The following VPS13B variants were observed in gnomAD, a reference collection of about 807,000 sequenced individuals.
VPS13B encodes vacuolar protein sorting 13 homolog B.
VPS13B carries 285 observed loss-of-function variants against 426.4 expected under a neutral mutation model. The observed-to-expected ratio is 0.67, with a 90% CI of 0.61 to 0.74. The LOEUF (loss-of-function observed/expected upper bound fraction) is 0.74, where lower values mean the gene tolerates loss of function less well. Among genes scored for constraint, VPS13B ranks in the 30% least tolerant of loss-of-function variants. The probability of loss-of-function intolerance (pLI) is 0.00; values close to 1 mark genes in which losing one functional copy is unlikely to be tolerated. For synonymous variants in VPS13B, 1,676 were observed against 1,676.4 expected (o/e 1.00, Z 0.01); for missense variants, 4,537 against 4,782.6 (o/e 0.95, Z 1.51).
chr8:99,338,154 A>G lies in VPS13B; in HGVS notation c.2825-46054A>G, dbSNP rs551055112. 2.0e-5 allele frequency among the ~76,000 whole-genome samples: 3 copies of G among 152,214 alleles called. No individual in the cohort carries two copies. In the South Asian group the frequency reaches 6.2e-4, roughly 32 times the overall value. On this transcript the variant is annotated intron_variant, in intron 19 of 61. Coordinates refer to ENST00000357162, the MANE Select transcript of VPS13B (RefSeq NM_152564.5). ...ATGAGTCCTCTAATTTTGCTATTTA[A>G]AAAGATTATATAAAGTACTATGTGT...
At chr8:99,333,507 A>G (rs1024298861) in intron 19 of VPS13B, among the ~76,000 whole-genome samples, 1 of 151,858 alleles carries the variant, frequency 6.6e-6, no homozygotes, top group African/African-American at 2.4e-5. Context: ...CCCCTGCTTT[A>G]CTGGTATTCA....
At chr8:99,710,055 A>G (rs1039755929) in intron 36 of VPS13B, among the ~76,000 whole-genome samples, 1 of 152,198 alleles carries the variant, frequency 6.6e-6, no homozygotes, top group African/African-American at 2.4e-5. Context: ...ATGATTTTAT[A>G]TCGTAAACTT....
rs1305993716 is a variant in VPS13B at position 99,314,818 on chromosome 8, T to G, written c.2824+39564T>G. ...GGGTGCTTGGTGTTGGGTGCATATA[T>G]GTTTAGAATTGTTAAATAATGTATC... On this transcript the variant is annotated intron_variant, in intron 19 of 61. Transcript: ENST00000357162. Among the ~76,000 whole-genome samples, 3 of 152,228 alleles carry G rather than the reference T, an allele frequency of 2.0e-5. No homozygotes were observed. The East Asian group carries it at 5.8e-4, about 29-fold the overall frequency.
chr8:99,075,172 T>A (rs1338863880), intron 3 of VPS13B, among the ~76,000 whole-genome samples: 1 of 152,336 alleles, frequency 6.6e-6, no homozygotes, highest in African/African-American at 2.4e-5. Context: ...TGATGTGCTA[T>A]ACTATTCTTG....
chr8:99,110,990 CTTA>C (rs1185534595), intron 5 of VPS13B, 105 bp from the exon 6 acceptor site: 105 of 847,288 alleles, frequency 1.2e-4, no homozygotes, highest in Middle Eastern at 3.7e-4. Context: ...CTCCATGAAT[CTTA>C]TTTTCTGTTA....
At chr8:99,723,288 ATATAAG>A (rs1365295737) in intron 39 of VPS13B, among the ~76,000 whole-genome samples, 4 of 152,236 alleles carry the variant, frequency 2.6e-5, no homozygotes, top group African/African-American at 9.6e-5. Context: ...AGCAAATGTT[ATATAAG>A]TATGACTATT....
At chr8:99,423,487 C>T (rs927040611) in intron 21 of VPS13B, among the ~76,000 whole-genome samples, 7 of 145,886 alleles carry the variant, frequency 4.8e-5, no homozygotes, top group South Asian at 2.2e-4. Context: ...AGGCTGGTTT[C>T]GAACTCCTGA....
intron 3 of VPS13B, among the ~76,000 whole-genome samples, chr8:99,080,289 G>T (rs1342847251): frequency 6.6e-6 from 1 of 151,794 alleles, no homozygotes; most frequent in Non-Finnish European, 1.5e-5. Flanking sequence ...TCTTGCTTTT[G>T]TATTTTTTGC....
At chr8:99,707,359 G>A (rs554163372) in intron 36 of VPS13B, among the ~76,000 whole-genome samples, 1 of 152,230 alleles carries the variant, frequency 6.6e-6, no homozygotes, top group South Asian at 2.1e-4. Flanking sequence ...CCGACACATT[G>A]CTTGGTACAA....
intron 43 of VPS13B, among the ~76,000 whole-genome samples, chr8:99,785,431 A>G (rs534400034): frequency 6.6e-6 from 1 of 152,308 alleles, no homozygotes; most frequent in African/African-American, 2.4e-5. Context: ...CACTATTGGT[A>G]TACAATTTGG....
chr8:99,151,800 T>C (rs1216909358), intron 14 of VPS13B, among the ~76,000 whole-genome samples: 3 of 152,180 alleles, frequency 2.0e-5, no homozygotes, highest in Non-Finnish European at 4.4e-5. Flanking sequence ...CCCGAAGTAC[T>C]GGGTTTATAG....
chr8:99,039,042 T>C (rs933827746), intron 3 of VPS13B, among the ~76,000 whole-genome samples: 1 of 152,180 alleles, frequency 6.6e-6, no homozygotes, highest in Non-Finnish European at 1.5e-5. Context: ...ATTTTTAAAT[T>C]TGAATAAAGT....
intron 17 of VPS13B, among the ~76,000 whole-genome samples, chr8:99,193,626 AATGTT>A (rs1159212327): frequency 6.6e-6 from 1 of 152,160 alleles, no homozygotes; most frequent in Non-Finnish European, 1.5e-5. Flanking sequence ...TCAAAATAAT[AATGTT>A]ATGTTTGTCA....
chr8:99,396,915 A>G (rs1419320812), intron 21 of VPS13B, among the ~76,000 whole-genome samples: 2 of 152,154 alleles, frequency 1.3e-5, no homozygotes, highest in Non-Finnish European at 2.9e-5. Flanking sequence ...CTTCTACCAA[A>G]ATGAAAAAAA....
chr8:99,161,732 CTT>C (rs374438896), intron 15 of VPS13B, among the ~76,000 whole-genome samples: 23 of 130,980 alleles, frequency 1.8e-4, no homozygotes, highest in Non-Finnish European at 1.8e-4. Context: ...GTACTAAATC[CTT>C]TTTTTTTTTT....
intron 43 of VPS13B, among the ~76,000 whole-genome samples, chr8:99,787,765 CTGTTTAACTTCCTT>C (rs1456567307): frequency 6.6e-6 from 1 of 152,146 alleles, no homozygotes; most frequent in East Asian, 1.9e-4. Flanking sequence ...TATATAGAGG[CTGTTTAACTTCCTT>C]TTCTAGTTAA....
intron 12 of VPS13B, 45 bp from the exon 13 acceptor site, chr8:99,142,929 G>GT (rs1427177969): frequency 2.6e-6 from 4 of 1,557,720 alleles, no homozygotes; most frequent in Non-Finnish European, 3.5e-6. Flanking sequence ...TATTTACTTG[G>GT]TATATCCAAT....
Position 99,384,320 on chromosome 8 carries a change from A to T in VPS13B, c.2934+3A>T, listed in dbSNP as rs1391795160. On this transcript the variant is annotated splice_donor_region_variant and intron_variant, in intron 20 of 61. Coordinates refer to ENST00000357162, the MANE Select transcript of VPS13B (RefSeq NM_152564.5). ...GAACAAGTAGACATATGCAACAGGT[A>T]AGAGATTTTTAAATAATTTTTTCTG... The T allele has an allele frequency of 6.2e-7, 1 of 1,608,504 alleles. No individual in the cohort carries two copies. Among genetic ancestry groups the T allele is most frequent in the Admixed American group, 1.7e-5 (1 of 59,990 alleles).
Position 99,853,691 on chromosome 8 carries a change from T to C in VPS13B, c.10302T>C (p.Tyr3434=). The C allele has an allele frequency of 6.2e-7, 1 of 1,614,244 alleles. No homozygotes were observed. The highest frequency in any genetic ancestry group is 8.5e-7 in the Non-Finnish European group (1 of 1,180,044). ...CGDLQLDNQL[Y]NKSNFHFAVL... is the part of the protein sequence containing the mutation. Reference sequence around the variant, plus strand: ...ACCTGCAGCTAGACAACCAGCTTTATAACAAGTCCAATTTCCACTTTGCTG... The same window carrying C: ...ACCTGCAGCTAGACAACCAGCTTTACAACAAGTCCAATTTCCACTTTGCTG... The change falls in exon 56 of 62, where the codon TAT becomes TAC. Residue 3434 remains tyrosine (Y), a synonymous_variant. Coordinates refer to ENST00000357162, the MANE Select transcript of VPS13B (RefSeq NM_152564.5).
Sources: allele counts gnomAD v4.1 joint callset (sites outside exome capture counted in the v4.1 genomes callset), GRCh38; gene constraint gnomAD v4.1.1; transcripts MANE v1.5; gene names NCBI Gene and HGNC (gene_info 2026-07-23, HGNC 2026-07-21).